SVEP1: variants seen among roughly 807,000 people sequenced by gnomAD.
SVEP1 encodes the protein sushi, von Willebrand factor type A, EGF and pentraxin domain-containing protein 1.
SVEP1 carries 164 observed loss-of-function variants against 367.3 expected under a neutral mutation model. The ratio of observed to expected loss-of-function variants is 0.45; its 90% CI spans 0.39 to 0.51. The LOEUF (loss-of-function observed/expected upper bound fraction) is 0.51. Among genes scored for constraint, SVEP1 ranks in the 20% least tolerant of loss-of-function variants. SVEP1 has a pLI of 0.00. For synonymous variants in SVEP1, 1,666 were observed against 1,611.6 expected, an observed-to-expected ratio of 1.03 and a Z score of -0.81; for missense variants, 4,117 against 4,425.3, an observed-to-expected ratio of 0.93 and a Z score of 1.98.
chr9:110,576,249 ACT>A (rs1564181013), intron 1 of SVEP1, among the ~76,000 whole-genome samples: 2 of 151,816 alleles, frequency 1.3e-5, no homozygotes. Context: ...ACACACACAC[ACT>A]CACACACAAA....
At chr9:110,401,848 AT>A (rs1386452957) in intron 39 of SVEP1, among the ~76,000 whole-genome samples, 1 of 151,982 alleles carries the variant, frequency 6.6e-6, no homozygotes, top group Non-Finnish European at 1.5e-5. Context: ...TTGTTATTCT[AT>A]TGCTAATATT....
Position 110,446,977 on chromosome 9 carries a change from T to A in SVEP1, c.4184A>T (p.Gln1395Leu). Residue 1395 changes from glutamine to leucine, a missense_variant, in exon 25 of 48, where the codon CAG becomes CTG. Around this residue, in one of 4 missense-constraint regions of SVEP1, gnomAD observed 2,174 missense variants for 2,494.3 expected, o/e 0.87. Coordinates refer to ENST00000374469, the MANE Select transcript of SVEP1 (RefSeq NM_153366.4). ...ATTTAATTCATCCACACAGGTGGCC[T>A]GATTTCTACATGGATTAGACTGACA... is the stretch of plus-strand genomic sequence containing the variant. ...NECQSNPCRN[Q>L]ATCVDELNSY... is the part of the protein sequence containing the mutation. 6.5e-7 allele frequency: 1 copy of A among 1,547,388 alleles called. No individual in the cohort carries two copies. The highest frequency in any genetic ancestry group is 8.7e-7 in the Non-Finnish European group (1 of 1,145,498).
At chr9:110,434,949 GTA>G (rs1449423527) in intron 29 of SVEP1, among the ~76,000 whole-genome samples, 1 of 151,668 alleles carries the variant, frequency 6.6e-6, no homozygotes, top group African/African-American at 2.4e-5. Flanking sequence ...CAGGTGCATA[GTA>G]TGTCGGTGGG....
intron 27 of SVEP1, among the ~76,000 whole-genome samples, chr9:110,441,594 G>A (rs918790899): frequency 5.3e-5 from 8 of 152,232 alleles, no homozygotes; most frequent in African/African-American, 1.9e-4. Flanking sequence ...GGATCTGTCT[G>A]TATGTTTCAT....
intron 1 of SVEP1, among the ~76,000 whole-genome samples, chr9:110,571,836 A>C (rs983305448): frequency 6.6e-6 from 1 of 152,238 alleles, no homozygotes; most frequent in Non-Finnish European, 1.5e-5. Flanking sequence ...ATACACACCC[A>C]GAATTGCTAC....
chr9:110,395,569 A>T lies in SVEP1; in HGVS notation c.9822+5285T>A, dbSNP rs936123800. Among the ~76,000 whole-genome samples the T allele has an allele frequency of 9.8e-5, 15 of 152,350 alleles. No individual in the cohort carries two copies. In the East Asian group the frequency reaches 2.9e-3, roughly 29 times the overall value. On this transcript the variant is annotated intron_variant, in intron 40 of 47. Coordinates refer to ENST00000374469, the MANE Select transcript of SVEP1 (RefSeq NM_153366.4). ...AGACACAGACTGGCAAAATGGATAA[A>T]GAGTCAAGACCCATCAGTGTGCTAT...
At chr9:110,550,628 A>G (rs573059466) in intron 1 of SVEP1, among the ~76,000 whole-genome samples, 2 of 152,148 alleles carry the variant, frequency 1.3e-5, no homozygotes, top group Non-Finnish European at 2.9e-5. Flanking sequence ...ATAATGGCTG[A>G]CCTGCTTCCT....
Position 110,450,074 on chromosome 9 carries a change from C to A in SVEP1, c.4088G>T (p.Gly1363Val). 1 of 1,613,862 alleles carries A rather than the reference C, an allele frequency of 6.2e-7. No homozygotes were observed. Among genetic ancestry groups the A allele is most frequent in the Non-Finnish European group, 8.5e-7 (1 of 1,179,792 alleles). Reference sequence around the variant, plus strand: ...AGCCTTTTACCTGAAGCTATTGGCACCGTCTTTACAGGTAGCTCCATTTTT... The same window carrying A: ...AGCCTTTTACCTGAAGCTATTGGCAACGTCTTTACAGGTAGCTCCATTTTT... ...PCKNGATCKD[G>V]ANSFRCLCAA... is the part of the protein sequence containing the mutation. The change falls in exon 24 of 48, where the codon GGT becomes GTT. Residue 1363 changes from glycine (G) to valine (V), a missense_variant. Gly to Val is a moderately radical substitution (Grantham distance 109). Transcript: ENST00000374469.
At chr9:110,467,950 C>T (rs1307631557) in intron 17 of SVEP1, among the ~76,000 whole-genome samples, 1 of 137,264 alleles carries the variant, frequency 7.3e-6, no homozygotes, top group Non-Finnish European at 1.6e-5. Context: ...CCCACCCCAA[C>T]CCCCTGCCTT....
At chr9:110,434,238 C>T (rs1433271875) in intron 30 of SVEP1, 98 bp downstream of exon 30, 1 of 1,297,932 alleles carries the variant, frequency 7.7e-7, no homozygotes, top group African/African-American at 1.5e-5. Context: ...ATATTTGCTA[C>T]TGTGAAGTAT....
chr9:110,472,280 G>A lies in SVEP1; in HGVS notation c.2643C>T (p.Tyr881=), dbSNP rs776411934. Residue 881 remains tyrosine (Y), a synonymous_variant, in exon 15 of 48, where the codon TAC becomes TAT. Transcript: ENST00000374469. Reference sequence around the variant, plus strand: ...CTTGCACAGTGTCCAGGAAGTCATCGTAAGAGTAATCCAGCCTATTAGCTG... The same window carrying A: ...CTTGCACAGTGTCCAGGAAGTCATCATAAGAGTAATCCAGCCTATTAGCTG... ...WGAANRLDYS[Y]DDFLDTVQET... The A allele has an allele frequency of 1.1e-5, 18 of 1,610,658 alleles. No individual in the cohort carries two copies. Among genetic ancestry groups the A allele is most frequent in the Non-Finnish European group, 1.4e-5 (16 of 1,179,060 alleles).
intron 2 of SVEP1, 90 bp from the exon 3 acceptor site, chr9:110,546,381 G>A: frequency 7.2e-7 from 1 of 1,382,326 alleles, no homozygotes; most frequent in African/African-American, 1.4e-5. Context: ...GCAAGCTGGA[G>A]AAAATATCTT....
rs1323216385 is a variant in SVEP1, at chr9:110,414,580, G to C, written c.5976-2845C>G. Among the ~76,000 whole-genome samples the C allele has an allele frequency of 2.6e-5, 4 of 151,950 alleles. No individual in the cohort carries two copies. In the South Asian group the frequency reaches 8.3e-4, roughly 32 times the overall value. ...AACACATCTTAGGATAAACTGGCTG[G>C]AACAAATTTGCATTTTTCTGGAATC... On this transcript the variant is annotated intron_variant, in intron 36 of 47. Coordinates refer to ENST00000374469, the MANE Select transcript of SVEP1 (RefSeq NM_153366.4).
At chr9:110,466,300 G>A (rs558097570) in intron 17 of SVEP1, among the ~76,000 whole-genome samples, 1 of 152,270 alleles carries the variant, frequency 6.6e-6, no homozygotes, top group East Asian at 1.9e-4. Flanking sequence ...GTCGAATGAA[G>A]TTAGAAATAC....
chr9:110,399,070 C>T (rs1020577919), intron 40 of SVEP1, among the ~76,000 whole-genome samples: 2 of 152,114 alleles, frequency 1.3e-5, no homozygotes, highest in Admixed American at 6.5e-5. Context: ...GCACTATTCA[C>T]AATAGCAAAA....
In SVEP1 at chr9:110,429,976, T is replaced by C. The variant is rs1279601562; in HGVS notation, c.5559A>G (p.Pro1853=). The C allele has an allele frequency of 1.2e-6, 2 of 1,612,790 alleles. No individual in the cohort carries two copies. The highest frequency in any genetic ancestry group is 2.2e-5 in the South Asian group (2 of 91,070). The change falls in exon 34 of 48, where the codon CCA becomes CCG. Residue 1853 remains proline, a synonymous_variant. Transcript: ENST00000374469. ...KAVSCGKPAI[P]ENGCIEELAF... ...CTAACTCCTCAATGCAACCATTTTC[T>C]GGAATAGCCGGTTTACCACATGAAA...
Position 110,549,916 on chromosome 9 carries a change from C to G in SVEP1, c.720G>C (p.Glu240Asp). 4.3e-6 allele frequency: 7 copies of G among 1,613,996 alleles called. No homozygotes were observed. The highest frequency in any genetic ancestry group is 5.9e-6 in the Non-Finnish European group (7 of 1,179,878). Residue 240 changes from glutamate to aspartate, a missense_variant, in exon 2 of 48, where the codon GAG becomes GAC. Glu to Asp is a conservative substitution (Grantham distance 45). This residue lies in a region of SVEP1 where 2,174 missense variants were observed against 2,494.3 expected (regional missense o/e 0.87). Coordinates refer to ENST00000374469, the MANE Select transcript of SVEP1 (RefSeq NM_153366.4). ...ELNDMASTPKEEHCYLLHSFE... is the reference protein window; with the variant it reads ...ELNDMASTPKDEHCYLLHSFE... The stretch of plus-strand genomic sequence containing the variant: ...AACTGTGTAGCAGGTAACAGTGCTC[C>G]TCCTTTGGGGTGGAAGCCATGTCAT...
intron 27 of SVEP1, among the ~76,000 whole-genome samples, chr9:110,441,966 C>T (rs376711652): frequency 6.6e-6 from 1 of 152,176 alleles, no homozygotes; most frequent in Non-Finnish European, 1.5e-5. Context: ...TGGCCATGTC[C>T]GCCCTCTCTA....
intron 31 of SVEP1, 106 bp downstream of exon 31, chr9:110,432,355 GA>G: frequency 7.2e-7 from 1 of 1,380,720 alleles, no homozygotes; most frequent in Middle Eastern, 1.9e-4. Context: ...TTACTGGGAT[GA>G]GATAAAGTTA....
Sources: allele counts gnomAD v4.1 joint callset (sites outside exome capture counted in the v4.1 genomes callset), GRCh38; gene constraint gnomAD v4.1.1; regional missense constraint gnomAD v4.1.1; transcripts MANE v1.5; gene names NCBI Gene and HGNC (gene_info 2026-07-23, HGNC 2026-07-21).